The following FYCO1 variants were observed in gnomAD, a reference collection of about 807,000 sequenced individuals.
FYCO1 encodes the protein FYVE and coiled-coil domain-containing protein 1.
In FYCO1, 122 loss-of-function variants were observed where a neutral mutation model predicts 165.1. That is an observed-to-expected ratio of 0.74 (90% CI 0.64 to 0.86). The LOEUF is 0.86. Ranked by LOEUF, FYCO1 falls within the 40% of genes least tolerant of loss-of-function variation. FYCO1 has a pLI of 0.00. For synonymous variants in FYCO1, 648 were observed against 742.5 expected (o/e 0.87, Z 2.07); for missense variants, 1,702 against 1,810.3 (o/e 0.94, Z 1.09).
intron 5 of FYCO1, 42 bp from the exon 6 acceptor site, chr3:45,973,273 G>A: frequency 6.2e-7 from 1 of 1,601,900 alleles, no homozygotes; most frequent in Non-Finnish European, 8.6e-7. Context: ...TAAAGATAAA[G>A]TATGAATTTA....
intron 4 of FYCO1, among the ~76,000 whole-genome samples, chr3:45,977,483 C>CTT (rs1706833754): frequency 6.7e-6 from 1 of 148,984 alleles, no homozygotes; most frequent in South Asian, 2.1e-4. Context: ...AATCAAAATG[C>CTT]TGCATGGCCT....
At chr3:45,973,532 G>T (rs1286535291) in intron 5 of FYCO1, among the ~76,000 whole-genome samples, 3 of 152,204 alleles carry the variant, frequency 2.0e-5, no homozygotes, top group Non-Finnish European at 4.4e-5. Flanking sequence ...AAGGGGAATT[G>T]TAGGAGAAAG....
chr3:45,928,097 G>A (rs972272777), intron 16 of FYCO1, among the ~76,000 whole-genome samples: 13 of 152,178 alleles, frequency 8.5e-5, no homozygotes, highest in Admixed American at 4.6e-4. Flanking sequence ...GCAGAGGTTG[G>A]GGAGTGACTG....
At chr3:45,953,041 G>T (rs1447483094) in intron 14 of FYCO1, among the ~76,000 whole-genome samples, 1 of 152,178 alleles carries the variant, frequency 6.6e-6, no homozygotes, top group Non-Finnish European at 1.5e-5. Flanking sequence ...CTTGGGTCTG[G>T]TGAGTTTGGT....
intron 1 of FYCO1, among the ~76,000 whole-genome samples, chr3:45,990,252 T>G (rs1285518022): frequency 3.9e-5 from 6 of 152,208 alleles, no homozygotes. Context: ...AGGTATTTTT[T>G]GGCAGCACGA....
chr3:45,936,355 C>A, intron 15 of FYCO1, 93 bp downstream of exon 15: 1 of 810,174 alleles, frequency 1.2e-6, no homozygotes, highest in Non-Finnish European at 2.2e-6. Context: ...TAAGTTAGAG[C>A]CCCCGAGGTG....
intron 6 of FYCO1, among the ~76,000 whole-genome samples, chr3:45,970,726 G>A (rs1196977958): frequency 2.0e-5 from 3 of 151,994 alleles, no homozygotes; most frequent in African/African-American, 7.3e-5. Flanking sequence ...CAGCCCTCTG[G>A]GCTGTGCTTT....
At chr3:45,944,905 T>C (rs1367942401) in intron 14 of FYCO1, 1 of 152,210 alleles carries the variant, frequency 6.6e-6, no homozygotes, top group Non-Finnish European at 1.5e-5. Context: ...CAATAACACA[T>C]ACACATCATC....
intron 14 of FYCO1, among the ~76,000 whole-genome samples, chr3:45,954,416 G>A (rs62242787): frequency 0.19 from 28,294 of 152,088 alleles, 2,778 homozygotes; most frequent in East Asian, 0.29. Context: ...CCTAGGGCAT[G>A]CTTCATTCCA....
At chr3:45,952,927 G>A (rs1289048581) in intron 14 of FYCO1, among the ~76,000 whole-genome samples, 1 of 152,194 alleles carries the variant, frequency 6.6e-6, no homozygotes, top group Non-Finnish European at 1.5e-5. Context: ...TGAGCCATGG[G>A]GGTTGGGAGA....
rs1382141331 is a variant in FYCO1 at position 45,920,215 on chromosome 3, G to T, written c.*1550C>A. Reference sequence around the variant, plus strand: ...GTGGCTGCTGGTGTGTGGTGGGTTTGGGGTCTCTGTTGGACTTGGCCTGGA... The same window carrying T: ...GTGGCTGCTGGTGTGTGGTGGGTTTTGGGTCTCTGTTGGACTTGGCCTGGA... On this transcript the variant is annotated 3_prime_UTR_variant, in exon 18 of 18. Transcript: ENST00000296137. 1 of 152,336 alleles carries T rather than the reference G, an allele frequency of 6.6e-6. No individual in the cohort carries two copies. Among genetic ancestry groups the T allele is most frequent in the Admixed American group, 6.6e-5 (1 of 15,266 alleles). The allele number at this position is 152,336 out of a possible 1,614,324, so 9.4% of individuals were successfully genotyped here.
intron 14 of FYCO1, among the ~76,000 whole-genome samples, chr3:45,943,846 A>G (rs560001345): frequency 2.6e-5 from 4 of 152,310 alleles, no homozygotes; most frequent in South Asian, 2.1e-4. Context: ...GTTATTGTCT[A>G]TATTTGCTCA....
rs184688212 is a variant in FYCO1, at chr3:45,988,274, C to T, written c.-112-3252G>A. Among the ~76,000 whole-genome samples, 20 of 152,264 alleles carry T rather than the reference C, an allele frequency of 1.3e-4. No individual in the cohort carries two copies. The East Asian group carries it at 3.5e-3, about 26-fold the overall frequency. ...TTCAGGAACTCAGCATCTTGCCCTC[C>T]TTGCTCCTCCGTCTCGGTCTGAGGT... is the stretch of plus-strand genomic sequence containing the variant. On this transcript the variant is annotated intron_variant, in intron 1 of 17. Coordinates refer to ENST00000296137, the MANE Select transcript of FYCO1 (RefSeq NM_024513.4).
At position 45,979,712 on chromosome 3, in the gene FYCO1, A is replaced by G; in HGVS notation, c.281T>C (p.Ile94Thr). ...ANDGIRFVKS[I>T]SELRTSLGKG... ...GCTGCTTGCTCAGCTTACCTCTGAG[A>G]TAGACTTGACAAAGCGGATCCCATC... Residue 94 changes from isoleucine (I) to threonine (T), a missense_variant, in exon 4 of 18, where the codon ATC becomes ACC. Coordinates refer to ENST00000296137, the MANE Select transcript of FYCO1 (RefSeq NM_024513.4). 1 of 1,613,972 alleles carries G rather than the reference A, an allele frequency of 6.2e-7. No individual in the cohort carries two copies.
chr3:45,966,935 C>T lies in FYCO1; in HGVS notation c.2399G>A (p.Arg800Gln), dbSNP rs773582689. Reference sequence around the variant, plus strand: ...CTTGTCCTGGTCATCCAGGGCTGCCCGCATCTTGGCCTGGAGGTCCACCAC... The same window carrying T: ...CTTGTCCTGGTCATCCAGGGCTGCCTGCATCTTGGCCTGGAGGTCCACCAC... The part of the protein sequence containing the change: ...AQVVDLQAKM[R>Q]AALDDQDKVQ... Residue 800 changes from arginine to glutamine, a missense_variant, in exon 8 of 18, where the codon CGG becomes CAG. Coordinates refer to ENST00000296137, the MANE Select transcript of FYCO1 (RefSeq NM_024513.4). 3.7e-5 allele frequency: 59 copies of T among 1,613,586 alleles called. No homozygotes were observed. The South Asian group carries it at 4.7e-4, about 13-fold the overall frequency.
chr3:45,964,493 G>A lies in FYCO1; in HGVS notation c.3151-39C>T, dbSNP rs1348232067. On this transcript the variant is annotated intron_variant, in intron 9 of 17. Transcript: ENST00000296137. This position sits in a 1 kb window ranked among gnomAD's most constrained non-coding sequence, Gnocchi z 4.1. The stretch of plus-strand genomic sequence containing the variant: ...TCAGGGAGAAGACACTCAGCTTGCA[G>A]AAGGCCATGCAACGTACCATAAAGT... The A allele has an allele frequency of 1.9e-6, 3 of 1,612,366 alleles. No homozygotes were observed. In the Admixed American group the frequency reaches 5.0e-5, roughly 27 times the overall value.
rs757600561 is a variant in FYCO1 at position 45,966,666 on chromosome 3, C to A, written c.2668G>T (p.Glu890Ter). Residue 890 changes from glutamate to a stop codon, truncating the protein, a stop_gained, in exon 8 of 18, where the codon GAG becomes TAG. Coordinates refer to ENST00000296137, the MANE Select transcript of FYCO1 (RefSeq NM_024513.4). LOFTEE classifies it high-confidence loss of function. The stretch of plus-strand genomic sequence containing the variant: ...AGCTGCTCTTGCAGCTCAGCGTGCT[C>A]CAGCTGTGCTTCCTCGGAGCTGCAT... ...AKCSSEEAQL[E>*]HAELQEQLHR... 1.2e-6 allele frequency: 2 copies of A among 1,614,094 alleles called. No homozygotes were observed. Among genetic ancestry groups the A allele is most frequent in the Admixed American group, 1.7e-5 (1 of 60,028 alleles).
At chr3:45,948,356 T>G (rs1175106426) in intron 14 of FYCO1, 1 of 164,342 alleles carries the variant, frequency 6.1e-6, no homozygotes, top group African/African-American at 2.4e-5. Flanking sequence ...TCCAAACTAC[T>G]TTTACACTTC....
At chr3:45,950,527 T>G (rs1704945987) in intron 14 of FYCO1, among the ~76,000 whole-genome samples, 1 of 152,032 alleles carries the variant, frequency 6.6e-6, no homozygotes, top group African/African-American at 2.4e-5. Context: ...GCGAAGAGGA[T>G]GGGGCCCAGA....
Sources: allele counts gnomAD v4.1 joint callset (sites outside exome capture counted in the v4.1 genomes callset), GRCh38; gene constraint gnomAD v4.1.1; non-coding constraint Gnocchi (gnomAD v3.1); transcripts MANE v1.5; gene names NCBI Gene and HGNC (gene_info 2026-07-23, HGNC 2026-07-21).